Variants in ADCY2 observed in about 807,000 individuals in gnomAD.
ADCY2 encodes adenylate cyclase 2, also known as adenylate cyclase type 2.
ADCY2 carries 31 observed loss-of-function variants against 125.2 expected under a neutral mutation model. That is an observed-to-expected ratio of 0.25 (90% CI 0.19 to 0.33). The LOEUF (loss-of-function observed/expected upper bound fraction) is 0.33. Ranked by LOEUF, ADCY2 falls within the 10% of genes least tolerant of loss-of-function variation. The pLI is 1.00. For synonymous variants in ADCY2, 512 were observed against 548.4 expected (o/e 0.93, Z 0.93); for missense variants, 904 against 1,418.2 (o/e 0.64, Z 5.82).
intron 3 of ADCY2, among the ~76,000 whole-genome samples, chr5:7,615,076 A>G (rs1220875968): frequency 6.6e-6 from 1 of 152,160 alleles, no homozygotes; most frequent in Non-Finnish European, 1.5e-5. Context: ...CAGGAGAGAG[A>G]GAGAGAATGG....
chr5:7,768,155 G>A (rs1743451197), intron 17 of ADCY2, among the ~76,000 whole-genome samples: 1 of 152,196 alleles, frequency 6.6e-6, no homozygotes, highest in Non-Finnish European at 1.5e-5. Flanking sequence ...GGGAAGAGGG[G>A]GGTGCTATAG....
intron 3 of ADCY2, among the ~76,000 whole-genome samples, chr5:7,611,563 T>A (rs1424195043): frequency 6.6e-6 from 1 of 152,208 alleles, no homozygotes; most frequent in East Asian, 1.9e-4. Flanking sequence ...AAAATTCTAG[T>A]AGGCTTGGAT....
intron 2 of ADCY2, among the ~76,000 whole-genome samples, chr5:7,479,000 AG>A (rs1451487635): frequency 6.6e-6 from 1 of 152,164 alleles, no homozygotes; most frequent in Non-Finnish European, 1.5e-5. Context: ...TATTTTATAA[AG>A]GCATAACTTT....
At chr5:7,821,645 G>C (rs879791623) in intron 24 of ADCY2, among the ~76,000 whole-genome samples, 25 of 152,222 alleles carry the variant, frequency 1.6e-4, no homozygotes, top group Non-Finnish European at 2.9e-4. Context: ...GCCACCAGAA[G>C]TCACAGTGGT....
chr5:7,542,171 C>G (rs1434699904), intron 3 of ADCY2, among the ~76,000 whole-genome samples: 3 of 152,122 alleles, frequency 2.0e-5, no homozygotes, highest in Non-Finnish European at 4.4e-5. Context: ...AGAGTCCCCC[C>G]CATCAACCTA....
chr5:7,544,456 A>G (rs1326648477), intron 3 of ADCY2, among the ~76,000 whole-genome samples: 3 of 151,754 alleles, frequency 2.0e-5, no homozygotes, highest in Non-Finnish European at 4.4e-5. Context: ...CCTTTCTTCT[A>G]CCCTCACGTC....
At chr5:7,746,046 C>T (rs932711191) in intron 15 of ADCY2, among the ~76,000 whole-genome samples, 7 of 152,186 alleles carry the variant, frequency 4.6e-5, no homozygotes, top group South Asian at 2.1e-4. Flanking sequence ...CCTGAGGCCC[C>T]GGTAAGCTGT....
chr5:7,713,599 C>G (rs1246342497), intron 11 of ADCY2, among the ~76,000 whole-genome samples: 2 of 152,070 alleles, frequency 1.3e-5, no homozygotes, highest in African/African-American at 4.8e-5. Context: ...GGGTTATCCA[C>G]TCTGCTCAAA....
At chr5:7,764,989 C>T (rs1743336546) in intron 16 of ADCY2, among the ~76,000 whole-genome samples, 1 of 152,164 alleles carries the variant, frequency 6.6e-6, no homozygotes, top group African/African-American at 2.4e-5. Context: ...ACTAGAAAGA[C>T]ATAGCAGAAG....
intron 1 of ADCY2, among the ~76,000 whole-genome samples, chr5:7,410,075 G>C (rs1211352178): frequency 6.6e-6 from 1 of 152,112 alleles, no homozygotes. Flanking sequence ...ACTGTCATTT[G>C]TGGTACACCT....
chr5:7,730,175 G>A (rs572760977), intron 14 of ADCY2, among the ~76,000 whole-genome samples: 1 of 152,192 alleles, frequency 6.6e-6, no homozygotes, highest in South Asian at 2.1e-4. Context: ...TAGAATAATG[G>A]CTTCCAGCTC....
intron 3 of ADCY2, among the ~76,000 whole-genome samples, chr5:7,533,395 T>G (rs1200573043): frequency 3.3e-5 from 5 of 152,094 alleles, no homozygotes; most frequent in Admixed American, 1.3e-4. Flanking sequence ...ATCTGGCTGA[T>G]GATTTGTTTG....
intron 3 of ADCY2, among the ~76,000 whole-genome samples, chr5:7,621,473 CTG>C (rs1430088357): frequency 6.6e-6 from 1 of 152,216 alleles, no homozygotes; most frequent in Non-Finnish European, 1.5e-5. Context: ...AGAAATCTGA[CTG>C]TATGCGTATG....
chr5:7,538,865 C>CT lies in ADCY2; in HGVS notation c.570+17982dup, dbSNP rs373296689. On this transcript the variant is annotated intron_variant, in intron 3 of 24. Transcript: ENST00000338316. Reference sequence around the variant, plus strand: ...TTCTTTTTTTCTTTTCTTTTCTTTTCTTTTTTTTTTTTTTTTGAGACAGAG... The same window carrying CT: ...TTCTTTTTTTCTTTTCTTTTCTTTTCTTTTTTTTTTTTTTTTTGAGACAGAG... Among the ~76,000 whole-genome samples the CT allele has an allele frequency of 4.0e-3, 344 of 84,988 alleles. 1 individual carries two copies. The highest frequency in any genetic ancestry group is 7.3e-3 in the African/African-American group (192 of 26,366). 55.8% of individuals were successfully genotyped at this position (84,988 alleles called of 152,430 possible).
intron 13 of ADCY2, among the ~76,000 whole-genome samples, chr5:7,726,836 A>G (rs918321527): frequency 1.3e-5 from 2 of 152,204 alleles, no homozygotes; most frequent in Admixed American, 1.3e-4. Context: ...CATGGGACCC[A>G]GGTCACAGGC....
chr5:7,761,129 ATTTCT>A (rs904295049), intron 16 of ADCY2, among the ~76,000 whole-genome samples: 20 of 99,572 alleles, frequency 2.0e-4, no homozygotes, highest in South Asian at 6.9e-4. Flanking sequence ...GTGTATCAAA[ATTTCT>A]TTTCTTTTCT....
intron 16 of ADCY2, among the ~76,000 whole-genome samples, 191 bp downstream of exon 16, chr5:7,757,777 T>G (rs1743063193): frequency 6.6e-6 from 1 of 152,050 alleles, no homozygotes; most frequent in Non-Finnish European, 1.5e-5. Flanking sequence ...TGGGACCTGT[T>G]CTGTGGAATT....
At chr5:7,558,665 A>G (rs1005457509) in intron 3 of ADCY2, among the ~76,000 whole-genome samples, 1 of 152,114 alleles carries the variant, frequency 6.6e-6, no homozygotes, top group Non-Finnish European at 1.5e-5. Context: ...TTCTTCTGCT[A>G]TGGAAAAGCT....
At chr5:7,656,891 G>C (rs1311127045) in intron 4 of ADCY2, among the ~76,000 whole-genome samples, 1 of 152,190 alleles carries the variant, frequency 6.6e-6, no homozygotes, top group Non-Finnish European at 1.5e-5. Flanking sequence ...TCCAGAATCT[G>C]AAAATCCAGA....
Sources: gnomAD v4.1 joint callset for allele counts (sites outside exome capture counted in the v4.1 genomes callset) on GRCh38, gnomAD v4.1.1 for gene constraint, MANE v1.5 for transcripts, NCBI Gene and HGNC (gene_info 2026-07-23, HGNC 2026-07-21) for gene names.